Variants in WDR81 observed in about 807,000 individuals in gnomAD.
The protein encoded by WDR81 is WD repeat-containing protein 81.
WDR81 carries 92 observed loss-of-function variants against 140.8 expected under a neutral mutation model. The observed-to-expected ratio is 0.65, with a 90% CI of 0.55 to 0.78. The LOEUF is 0.78. Among genes scored for constraint, WDR81 ranks in the 30% least tolerant of loss-of-function variants. The pLI is 0.00. For synonymous variants in WDR81, 1,183 were observed against 1,156.4 expected, an observed-to-expected ratio of 1.02 and a Z score of -0.47; for missense variants, 2,502 against 2,636.4, an observed-to-expected ratio of 0.95 and a Z score of 1.12.
Position 1,735,964 on chromosome 17 carries a change from T to C in WDR81, c.5326-75T>C, listed in dbSNP as rs957872396. ...GCTCAGGCCTTCCTGCTGTGTGGGCTTGGGTGGTGGGCAGGGCCTTGGGGA... is the reference window on the plus strand; with the variant it reads ...GCTCAGGCCTTCCTGCTGTGTGGGCCTGGGTGGTGGGCAGGGCCTTGGGGA... On this transcript the variant is annotated intron_variant, in intron 8 of 9. Transcript: ENST00000409644. The surrounding 1 kb of genome is among the most constrained non-coding windows in gnomAD (Gnocchi z 4.2). 3.3e-6 allele frequency: 5 copies of C among 1,521,980 alleles called. No individual in the cohort carries two copies. The highest frequency in any genetic ancestry group is 1.4e-5 in the African/African-American group (1 of 72,928). The allele number at this position is 1,521,980 out of a possible 1,614,324, so 94.3% of individuals were successfully genotyped here.
chr17:1,727,279 C>T lies in WDR81; in HGVS notation c.2320C>T (p.Leu774=). 6.5e-7 allele frequency: 1 copy of T among 1,550,252 alleles called. No homozygotes were observed. The highest frequency in any genetic ancestry group is 1.2e-5 in the South Asian group (1 of 84,062). ...CCTACTCCACAGGGACATGCAGGCG[C>T]TGGGTGTCCTATTGGCAGAGATGGT... The part of the protein sequence containing the change: ...QCLLHRDMQA[L]GVLLAEMVFA... The change falls in exon 1 of 10, where the codon CTG becomes TTG. Residue 774 remains leucine, a synonymous_variant. Coordinates refer to ENST00000409644, the MANE Select transcript of WDR81 (RefSeq NM_001163809.2).
rs978009200 is a variant in WDR81 at position 1,724,910 on chromosome 17, G to A, written c.-50G>A. On this transcript the variant is annotated 5_prime_UTR_variant, in exon 1 of 10. Transcript: ENST00000409644. The stretch of plus-strand genomic sequence containing the variant: ...GGCACCCCGGAAGCCGTCGCCAGCA[G>A]GGCCGTGGCTGGGCTCAGCCCCGCG... The A allele has an allele frequency of 7.6e-7, 1 of 1,308,698 alleles. No individual in the cohort carries two copies. The highest frequency in any genetic ancestry group is 9.7e-7 in the Non-Finnish European group (1 of 1,032,040). 81.1% of individuals were successfully genotyped at this position (1,308,698 alleles called of 1,614,324 possible).
chr17:1,724,668 T>C (rs866892609), upstream of WDR81: 96 of 1,046,986 alleles, frequency 9.2e-5, no homozygotes, highest in Middle Eastern at 2.7e-3. Flanking sequence ...CCACGTGCGC[T>C]TGTTTCCGTG....
rs544471027 is a variant in WDR81 at position 1,725,550 on chromosome 17, A to G, written c.591A>G (p.Gln197=). 4.6e-5 allele frequency: 71 copies of G among 1,545,110 alleles called. 1 individual carries two copies. In the South Asian group the frequency reaches 8.1e-4, roughly 18 times the overall value. The change falls in exon 1 of 10, where the codon CAA becomes CAG. Residue 197 remains glutamine, a synonymous_variant. Coordinates refer to ENST00000409644, the MANE Select transcript of WDR81 (RefSeq NM_001163809.2). Reference sequence around the variant, plus strand: ...TCCTGCCAGTGGGTGAAACTACCCAATGCCCTTCATATGCCAGAGAAGGCC... The same window carrying G: ...TCCTGCCAGTGGGTGAAACTACCCAGTGCCCTTCATATGCCAGAGAAGGCC... The part of the protein sequence containing the change: ...CSFLPVGETT[Q]CPSYAREGPC...
chr17:1,725,022 CCCG>C lies in WDR81; in HGVS notation c.66_68del (p.Pro23del). On this transcript the variant is annotated inframe_deletion, in exon 1 of 10. Coordinates refer to ENST00000409644, the MANE Select transcript of WDR81 (RefSeq NM_001163809.2). ...GAACCCCGGCCGGGGGCTGGCATTCCCCGCCAAGCCCAGACATGCAGGAGCTGC... is the reference window on the plus strand; with the variant it reads ...GAACCCCGGCCGGGGGCTGGCATTCCCCAAGCCCAGACATGCAGGAGCTGC... The C allele has an allele frequency of 1.4e-6, 2 of 1,470,666 alleles. No homozygotes were observed. The highest frequency in any genetic ancestry group is 2.8e-5 in the South Asian group (2 of 72,202). 91.1% of individuals were successfully genotyped at this position (1,470,666 alleles called of 1,614,324 possible).
At chr17:1,730,245 T>TGG (rs889671649) in intron 1 of WDR81, 135 bp from the exon 2 acceptor site, 7 of 644,430 alleles carry the variant, frequency 1.1e-5, no homozygotes, top group Admixed American at 3.5e-5. Context: ...GGGGGTGGTG[T>TGG]GGGACAGCCG....
rs1195529409 is a variant in WDR81 at position 1,725,102 on chromosome 17, C to T, written c.143C>T (p.Ala48Val). The change falls in exon 1 of 10, where the codon GCC becomes GTC. Residue 48 changes from alanine (A) to valine (V), a missense_variant. Physicochemically the swap from Ala to Val is moderately conservative, Grantham distance 64. Around this residue, in one of 3 missense-constraint regions of WDR81, gnomAD observed 547 missense variants for 513.8 expected, o/e 1.06. Coordinates refer to ENST00000409644, the MANE Select transcript of WDR81 (RefSeq NM_001163809.2). ...ATCGATCCCAGGCAGCTGGCTCCGG[C>T]CCCGGGGGGCACCCACGTGGTGGCC... is the stretch of plus-strand genomic sequence containing the variant. ...LSIDPRQLAP[A>V]PGGTHVVALV... The T allele has an allele frequency of 3.3e-6, 5 of 1,507,730 alleles. No individual in the cohort carries two copies. The highest frequency in any genetic ancestry group is 2.5e-5 in the East Asian group (1 of 40,530). The allele number at this position is 1,507,730 out of a possible 1,614,324, so 93.4% of individuals were successfully genotyped here. A position where few individuals can be genotyped will look rare whatever the true frequency, so the allele number is the denominator to read the frequency against.
chr17:1,728,663 ACCT>A (rs1915472281), intron 1 of WDR81, 37 bp downstream of exon 1: 1 of 1,437,222 alleles, frequency 7.0e-7, no homozygotes, highest in Non-Finnish European at 9.2e-7. Context: ...GGTCAAAAAC[ACCT>A]CCTGCTGGCC....
rs556256811 is a variant in WDR81 at position 1,731,663 on chromosome 17, G to C, written c.4157+405G>C. 8.4e-4 allele frequency among the ~76,000 whole-genome samples: 128 copies of C among 152,182 alleles called. 1 individual carries two copies. The highest frequency in any genetic ancestry group is 2.9e-3 in the African/African-American group (122 of 41,512). ...TCACCCCTGTAATCCCAGCACTTTG[G>C]GGGGCCAAGGCGGGTGGATCACGAG... On this transcript the variant is annotated intron_variant, in intron 4 of 9. Coordinates refer to ENST00000409644, the MANE Select transcript of WDR81 (RefSeq NM_001163809.2).
upstream of WDR81, among the ~76,000 whole-genome samples, chr17:1,720,909 G>A (rs1386360068): frequency 6.6e-6 from 1 of 152,178 alleles, no homozygotes; most frequent in Non-Finnish European, 1.5e-5. Flanking sequence ...CGGGAGGAAA[G>A]GAGAATTTCA....
intron 9 of WDR81, 45 bp downstream of exon 9, chr17:1,736,263 C>G: frequency 1.9e-6 from 3 of 1,568,788 alleles, no homozygotes. Flanking sequence ...ACCCCCGCCC[C>G]TGTCCAGCCA....
chr17:1,717,500 G>T (rs1914639506), intron 1 of WDR81, among the ~76,000 whole-genome samples: 1 of 152,180 alleles, frequency 6.6e-6, no homozygotes, highest in African/African-American at 2.4e-5. Flanking sequence ...TCAGGTAATT[G>T]ATAAGGTTCA....
intron 1 of WDR81, among the ~76,000 whole-genome samples, chr17:1,717,565 C>T (rs995331596): frequency 6.6e-6 from 1 of 152,210 alleles, no homozygotes; most frequent in Non-Finnish European, 1.5e-5. Context: ...TTTAAGGAAA[C>T]TTCCTGCCTT....
At position 1,732,599 on chromosome 17, in the gene WDR81, C is replaced by T. The variant is rs556238954; in HGVS notation, c.4324-67C>T. 3.8e-5 allele frequency: 59 copies of T among 1,566,194 alleles called. No homozygotes were observed. The East Asian group carries it at 6.6e-4, about 17-fold the overall frequency. ...TGAAGCTGGACTCCGCGGGCCGTGGCGAGGACCAGGGTGGGCCAGGGTGGG... is the reference window on the plus strand; with the variant it reads ...TGAAGCTGGACTCCGCGGGCCGTGGTGAGGACCAGGGTGGGCCAGGGTGGG... On this transcript the variant is annotated intron_variant, in intron 5 of 9. Transcript: ENST00000409644.
At chr17:1,718,614 A>G (rs1914713931) in intron 1 of WDR81, among the ~76,000 whole-genome samples, 1 of 152,206 alleles carries the variant, frequency 6.6e-6, no homozygotes, top group Admixed American at 6.5e-5. Context: ...GACCCAGGTA[A>G]ATATTTTGCC....
chr17:1,722,650 A>G (rs1431441196), upstream of WDR81, among the ~76,000 whole-genome samples: 9 of 133,774 alleles, frequency 6.7e-5, no homozygotes, highest in Admixed American at 1.5e-4. Flanking sequence ...CGGCCCTCCT[A>G]TTTTCTCTCC....
At chr17:1,730,158 G>A (rs143584726) in intron 1 of WDR81, among the ~76,000 whole-genome samples, 17 of 152,258 alleles carry the variant, frequency 1.1e-4, no homozygotes, top group Admixed American at 2.6e-4. Context: ...CCTGCGGGTC[G>A]TGCCTGTGGA....
In WDR81 at chr17:1,727,647, C is replaced by G; in HGVS notation, c.2688C>G (p.Ala896=). ...AGGCAAGGCGTGTGGAGGACGAGGC[C>G]CAGGGGCGCGAGCTGGTGTTTGCTC... ...LYQARRVEDE[A]QGRELVFALW... is the part of the protein sequence containing the mutation. Residue 896 remains alanine, a synonymous_variant, in exon 1 of 10, where the codon GCC becomes GCG. Coordinates refer to ENST00000409644, the MANE Select transcript of WDR81 (RefSeq NM_001163809.2). 1 of 1,550,508 alleles carries G rather than the reference C, an allele frequency of 6.4e-7. No homozygotes were observed. The highest frequency in any genetic ancestry group is 8.7e-7 in the Non-Finnish European group (1 of 1,147,008).
Position 1,726,371 on chromosome 17 carries a change from G to A in WDR81, c.1412G>A (p.Trp471Ter), listed in dbSNP as rs1915270734. Reference sequence around the variant, plus strand: ...CTCTGCGGACACGTCCGCGCGCAGTGGGAGCCCCATGAGTATCCGGCCAGC... The same window carrying A: ...CTCTGCGGACACGTCCGCGCGCAGTAGGAGCCCCATGAGTATCCGGCCAGC... The part of the protein sequence containing the change: ...SVLCGHVRAQ[W>*]EPHEYPASME... Residue 471 changes from tryptophan to a stop codon, truncating the protein, a stop_gained, in exon 1 of 10, where the codon TGG becomes TAG. Coordinates refer to ENST00000409644, the MANE Select transcript of WDR81 (RefSeq NM_001163809.2). LOFTEE classifies it high-confidence loss of function. The A allele has an allele frequency of 1.3e-6, 2 of 1,549,540 alleles. No homozygotes were observed. The highest frequency in any genetic ancestry group is 1.7e-6 in the Non-Finnish European group (2 of 1,146,558).
Sources: gnomAD v4.1 joint callset for allele counts (sites outside exome capture counted in the v4.1 genomes callset) on GRCh38, gnomAD v4.1.1 for gene constraint, gnomAD v4.1.1 regional missense constraint, Gnocchi (gnomAD v3.1) non-coding constraint, MANE v1.5 for transcripts, NCBI Gene and HGNC (gene_info 2026-07-23, HGNC 2026-07-21) for gene names.